The following SENP6 variants were observed in gnomAD, a reference collection of about 807,000 sequenced individuals.
SENP6 encodes the protein sentrin-specific protease 6.
SENP6 carries 41 observed loss-of-function variants against 134.5 expected under a neutral mutation model. The ratio of observed to expected loss-of-function variants is 0.30; its 90% CI spans 0.24 to 0.40. SENP6 has a LOEUF of 0.40. Ranked by LOEUF, SENP6 falls within the 10% of genes least tolerant of loss-of-function variation. The pLI is 1.00. For missense variants in SENP6, 1,248 were observed against 1,312.5 expected, an observed-to-expected ratio of 0.95 and a Z score of 0.76; for synonymous variants, 395 against 429.8, an observed-to-expected ratio of 0.92 and a Z score of 1.00.
At chr6:75,643,439 A>G (rs1195274760) in intron 6 of SENP6, among the ~76,000 whole-genome samples, 2 of 152,254 alleles carry the variant, frequency 1.3e-5, no homozygotes, top group Non-Finnish European at 2.9e-5. Context: ...AGCAGTAGAC[A>G]GGATAAAGGA....
In SENP6 at chr6:75,675,943, G is replaced by A; in HGVS notation, c.1510G>A (p.Val504Ile). ...CEWCNVRKLP[V>I]VFLQAIPAVY... ...ATGGTGTAATGTCCGAAAATTACCT[G>A]TAGTGTTTCTTCAAGCAATTCCAGC... Residue 504 changes from valine to isoleucine, a missense_variant, in exon 13 of 24, where the codon GTA becomes ATA. By Grantham distance (29) the Val-to-Ile change is conservative (BLOSUM62 3). Coordinates refer to ENST00000447266, the MANE Select transcript of SENP6 (RefSeq NM_015571.4). The A allele has an allele frequency of 6.2e-7, 1 of 1,612,740 alleles. No individual in the cohort carries two copies. Among genetic ancestry groups the A allele is most frequent in the Non-Finnish European group, 8.5e-7 (1 of 1,179,248 alleles).
At chr6:75,699,252 A>G (rs1487861628) in intron 18 of SENP6, among the ~76,000 whole-genome samples, 1 of 151,520 alleles carries the variant, frequency 6.6e-6, no homozygotes, top group African/African-American at 2.4e-5. Flanking sequence ...CAGTGCTTCC[A>G]GTCATCTTAG....
intron 5 of SENP6, among the ~76,000 whole-genome samples, chr6:75,638,751 C>T (rs1388980584): frequency 6.7e-6 from 1 of 148,876 alleles, no homozygotes; most frequent in Admixed American, 6.8e-5. Flanking sequence ...TTCCTCTGTA[C>T]AGGTGAGTAT....
chr6:75,673,125 C>T (rs1345567466), intron 11 of SENP6, among the ~76,000 whole-genome samples: 1 of 152,058 alleles, frequency 6.6e-6, no homozygotes, highest in African/African-American at 2.4e-5. Context: ...CTGCACCCGG[C>T]CAATTGGCAT....
chr6:75,605,285 A>AGT (rs1289361813), intron 1 of SENP6, among the ~76,000 whole-genome samples: 1 of 152,226 alleles, frequency 6.6e-6, no homozygotes, highest in Non-Finnish European at 1.5e-5. Context: ...TCTAACAGTC[A>AGT]GTGTACCACG....
At chr6:75,713,892 A>G (rs1169592243) in intron 23 of SENP6, 67 bp downstream of exon 23, 1 of 1,150,226 alleles carries the variant, frequency 8.7e-7, no homozygotes, top group East Asian at 2.5e-5. Flanking sequence ...TTACCTTAGT[A>G]AAAAACACAA....
In SENP6 at chr6:75,637,904, A is replaced by G. The variant is rs115890756; in HGVS notation, c.459-2780A>G. On this transcript the variant is annotated intron_variant, in intron 5 of 23. Transcript: ENST00000447266. ...ACTGAGTCTCGCTCTTCTACTGCCC[A>G]TGCTGGAGTGCAGTGGCGTGATCTC... 8.6e-3 allele frequency among the ~76,000 whole-genome samples: 1,302 copies of G among 152,234 alleles called. 22 individuals carry two copies. Among genetic ancestry groups the G allele is most frequent in the African/African-American group, 0.03 (1,239 of 41,542 alleles).
chr6:75,605,677 A>G (rs1016955962), intron 1 of SENP6, among the ~76,000 whole-genome samples: 11 of 152,196 alleles, frequency 7.2e-5, no homozygotes, highest in Admixed American at 5.9e-4. Flanking sequence ...GGAGAGAGTG[A>G]TATGAGAGGC....
chr6:75,644,475 C>CTTTTTTTTTTTTTTTTTTTTT, intron 6 of SENP6, among the ~76,000 whole-genome samples: 1 of 143,478 alleles, frequency 7.0e-6, no homozygotes, highest in Non-Finnish European at 1.5e-5. Flanking sequence ...TTCTTTCTTT[C>CTTTTTTTTTTTTTTTTTTTTT]TTTTTTTTTT....
intron 18 of SENP6, among the ~76,000 whole-genome samples, chr6:75,700,226 C>A (rs1774937280): frequency 6.6e-6 from 1 of 152,022 alleles, no homozygotes; most frequent in Non-Finnish European, 1.5e-5. Flanking sequence ...TCTGTGTAAC[C>A]CTCTCTCTTG....
At chr6:75,648,456 A>G (rs1455023546) in intron 7 of SENP6, among the ~76,000 whole-genome samples, 1 of 152,170 alleles carries the variant, frequency 6.6e-6, no homozygotes, top group Non-Finnish European at 1.5e-5. Flanking sequence ...CCAAAATAGA[A>G]TAATTTTTAA....
intron 18 of SENP6, among the ~76,000 whole-genome samples, chr6:75,701,929 C>T (rs34636573): frequency 0.095 from 14,433 of 151,746 alleles, 713 homozygotes; most frequent in Non-Finnish European, 0.11. Flanking sequence ...CGTGAGCCAC[C>T]GCACCTGGCC....
At chr6:75,619,064 A>G (rs1484704763) in intron 1 of SENP6, among the ~76,000 whole-genome samples, 1 of 149,126 alleles carries the variant, frequency 6.7e-6, no homozygotes, top group Non-Finnish European at 1.5e-5. Flanking sequence ...GTGGTATAAT[A>G]TACATAACAT....
At chr6:75,632,618 A>C (rs1347721079) in intron 3 of SENP6, among the ~76,000 whole-genome samples, 3 of 152,116 alleles carry the variant, frequency 2.0e-5, no homozygotes, top group Non-Finnish European at 4.4e-5. Context: ...TAGTCATTTG[A>C]TCTCTTTTCG....
At chr6:75,710,409 A>G (rs1002747598) in intron 20 of SENP6, among the ~76,000 whole-genome samples, 1 of 152,196 alleles carries the variant, frequency 6.6e-6, no homozygotes, top group African/African-American at 2.4e-5. Context: ...AGAATCCTAC[A>G]GCATACCATT....
At chr6:75,675,651 T>C in intron 12 of SENP6, 183 bp downstream of exon 12, 1 of 729,488 alleles carries the variant, frequency 1.4e-6, no homozygotes, top group Non-Finnish European at 2.2e-6. Flanking sequence ...AACCTAACTT[T>C]TTAGAAACCC....
chr6:75,699,359 T>C, intron 18 of SENP6, among the ~76,000 whole-genome samples: 1 of 115,916 alleles, frequency 8.6e-6, no homozygotes, highest in African/African-American at 3.4e-5. Context: ...TTTTGCTTTT[T>C]TTTTTTTTTT....
intron 16 of SENP6, among the ~76,000 whole-genome samples, chr6:75,686,992 T>A (rs1181159401): frequency 6.6e-6 from 1 of 152,250 alleles, no homozygotes; most frequent in Non-Finnish European, 1.5e-5. Flanking sequence ...GCAGAGTGTT[T>A]TCCAACTTGG....
chr6:75,629,501 T>C (rs1265153379), intron 3 of SENP6, among the ~76,000 whole-genome samples: 2 of 152,106 alleles, frequency 1.3e-5, no homozygotes, highest in African/African-American at 2.4e-5. Context: ...GGTTTCACCA[T>C]GGTGGCCAGG....
Sources: allele counts gnomAD v4.1 joint callset (sites outside exome capture counted in the v4.1 genomes callset), GRCh38; gene constraint gnomAD v4.1.1; transcripts MANE v1.5; gene names NCBI Gene and HGNC (gene_info 2026-07-23, HGNC 2026-07-21).